The following PARD3 variants were observed in gnomAD, a reference collection of about 807,000 sequenced individuals.
PARD3 encodes partitioning defective 3 homolog.
PARD3 carries 75 observed loss-of-function variants against 155.4 expected under a neutral mutation model. That is an observed-to-expected ratio of 0.48 (90% CI 0.40 to 0.58). The LOEUF is 0.58. PARD3 is among the 20% of genes least tolerant of loss of function. The pLI, the probability that PARD3 is intolerant of heterozygous loss-of-function variation, is 0.00. For missense variants in PARD3, 1,642 were observed against 1,721.7 expected (o/e 0.95, Z 0.82); for synonymous variants, 576 against 610.5 (o/e 0.94, Z 0.83).
At chr10:34,354,153 A>C (rs1838520511) in intron 14 of PARD3, among the ~76,000 whole-genome samples, 1 of 151,274 alleles carries the variant, frequency 6.6e-6, no homozygotes, top group South Asian at 2.1e-4. Context: ...CAAAAAAAAA[A>C]CGCCAGATGG....
intron 2 of PARD3, among the ~76,000 whole-genome samples, chr10:34,580,033 C>A (rs1199631323): frequency 6.6e-6 from 1 of 152,104 alleles, no homozygotes; most frequent in Non-Finnish European, 1.5e-5. Context: ...CCTGTCTCAG[C>A]CTCCTGTGTA....
At chr10:34,111,622 A>T (rs988666359) in intron 24 of PARD3, 60 bp from the exon 25 acceptor site, 2 of 1,397,422 alleles carry the variant, frequency 1.4e-6, no homozygotes, top group African/African-American at 2.9e-5. Context: ...GAGGGAGGAA[A>T]GGGGGCAGGA....
At chr10:34,563,919 T>C (rs918815800) in intron 2 of PARD3, among the ~76,000 whole-genome samples, 3 of 152,228 alleles carry the variant, frequency 2.0e-5, no homozygotes, top group African/African-American at 7.2e-5. Flanking sequence ...AATCTTTTCA[T>C]AGATAAAATT....
intron 22 of PARD3, among the ~76,000 whole-genome samples, chr10:34,148,579 T>C (rs1414180602): frequency 2.6e-5 from 4 of 152,180 alleles, no homozygotes; most frequent in Non-Finnish European, 5.9e-5. Context: ...GTGGTCTCAG[T>C]GCAACATTGT....
chr10:34,149,522 TA>T (rs1948680450), intron 22 of PARD3, among the ~76,000 whole-genome samples: 1 of 152,238 alleles, frequency 6.6e-6, no homozygotes, highest in African/African-American at 2.4e-5. Context: ...CAAGCTATAT[TA>T]AAAAATGTTA....
intron 22 of PARD3, among the ~76,000 whole-genome samples, chr10:34,181,949 T>C (rs1950285887): frequency 6.6e-6 from 1 of 152,198 alleles, no homozygotes; most frequent in Non-Finnish European, 1.5e-5. Context: ...CCTCAGAGAC[T>C]GCCCCAGTTT....
At chr10:34,506,839 T>A (rs908815443) in intron 3 of PARD3, among the ~76,000 whole-genome samples, 7 of 152,218 alleles carry the variant, frequency 4.6e-5, no homozygotes, top group African/African-American at 1.7e-4. Context: ...TCATTGTGAT[T>A]GCAAATATCA....
At chr10:34,199,190 C>A (rs917149780) in intron 22 of PARD3, among the ~76,000 whole-genome samples, 1 of 152,126 alleles carries the variant, frequency 6.6e-6, no homozygotes, top group African/African-American at 2.4e-5. Context: ...CCAATCAGAT[C>A]GGACCTCATT....
intron 2 of PARD3, among the ~76,000 whole-genome samples, chr10:34,565,680 A>G (rs1161253853): frequency 6.6e-6 from 1 of 152,090 alleles, no homozygotes; most frequent in Non-Finnish European, 1.5e-5. Context: ...GCCTCACACC[A>G]TGGCTTGATA....
At chr10:34,172,118 T>C (rs1253064458) in intron 22 of PARD3, among the ~76,000 whole-genome samples, 2 of 152,134 alleles carry the variant, frequency 1.3e-5, no homozygotes. Flanking sequence ...GCAATTGCTG[T>C]TGCAACACAA....
chr10:34,112,201 C>T (rs761758435), intron 24 of PARD3, among the ~76,000 whole-genome samples: 14 of 152,154 alleles, frequency 9.2e-5, no homozygotes, highest in Non-Finnish European at 1.3e-4. Flanking sequence ...CCAGATTGGA[C>T]GGAGAGTCCG....
intron 1 of PARD3, among the ~76,000 whole-genome samples, chr10:34,754,946 G>A (rs1161404456): frequency 6.6e-6 from 1 of 152,158 alleles, no homozygotes; most frequent in Non-Finnish European, 1.5e-5. Flanking sequence ...TTGACCACAA[G>A]GACACAAGAC....
chr10:34,154,711 T>A (rs749774431), intron 22 of PARD3, among the ~76,000 whole-genome samples: 3 of 152,114 alleles, frequency 2.0e-5, no homozygotes, highest in Non-Finnish European at 4.4e-5. Flanking sequence ...ACAGAGAGAT[T>A]TATTTCTTTG....
intron 22 of PARD3, among the ~76,000 whole-genome samples, chr10:34,218,857 C>T (rs1193298619): frequency 2.0e-5 from 3 of 151,874 alleles, no homozygotes; most frequent in Non-Finnish European, 2.9e-5. Context: ...GGGTGAAAAC[C>T]TAACTGTTCT....
intron 22 of PARD3, among the ~76,000 whole-genome samples, chr10:34,265,287 T>G (rs1019997358): frequency 6.6e-6 from 1 of 152,250 alleles, no homozygotes; most frequent in Non-Finnish European, 1.5e-5. Flanking sequence ...AAGCATTTTA[T>G]AAGTAATACG....
chr10:34,471,516 G>A (rs1381490988), intron 3 of PARD3, among the ~76,000 whole-genome samples: 1 of 152,206 alleles, frequency 6.6e-6, no homozygotes, highest in Non-Finnish European at 1.5e-5. Flanking sequence ...AAACTAGGAT[G>A]TAAGTATTTG....
At chr10:34,158,489 G>A (rs1328745196) in intron 22 of PARD3, among the ~76,000 whole-genome samples, 3 of 152,230 alleles carry the variant, frequency 2.0e-5, no homozygotes, top group Non-Finnish European at 4.4e-5. Flanking sequence ...GACGCAGGGT[G>A]GAACCCATGG....
At chr10:34,275,998 A>G (rs1955858894) in intron 21 of PARD3, among the ~76,000 whole-genome samples, 1 of 152,058 alleles carries the variant, frequency 6.6e-6, no homozygotes, top group Non-Finnish European at 1.5e-5. Context: ...AAAAGACATA[A>G]ATGTCTATTG....
chr10:34,637,661 G>GC lies in PARD3; in HGVS notation c.222+58656dup, dbSNP rs1389370164. 6.6e-5 allele frequency among the ~76,000 whole-genome samples: 10 copies of GC among 152,286 alleles called. No homozygotes were observed. In the South Asian group the frequency reaches 8.3e-4, roughly 13 times the overall value. Reference sequence around the variant, plus strand: ...TTGCAGGCTGGTGTGCAATCACGCTGCCCCCCAGTGGGCACTGCCGGTACA... The same window carrying GC: ...TTGCAGGCTGGTGTGCAATCACGCTGCCCCCCCAGTGGGCACTGCCGGTACA... On this transcript the variant is annotated intron_variant, in intron 2 of 24. Transcript: ENST00000374788.
Sources: allele counts gnomAD v4.1 joint callset (sites outside exome capture counted in the v4.1 genomes callset), GRCh38; gene constraint gnomAD v4.1.1; transcripts MANE v1.5; gene names NCBI Gene and HGNC (gene_info 2026-07-23, HGNC 2026-07-21).